The following GRIN2D variants were observed in gnomAD, a reference collection of about 807,000 sequenced individuals.
GRIN2D encodes the protein glutamate receptor ionotropic, NMDA 2D.
A neutral mutation model predicts 103.2 loss-of-function variants in GRIN2D; 37 were observed. The ratio of observed to expected loss-of-function variants is 0.36; its 90% confidence interval spans 0.28 to 0.47. The LOEUF is 0.47. GRIN2D is among the 20% of genes least tolerant of loss of function. GRIN2D has a pLI of 1.00. For synonymous variants in GRIN2D, 845 were observed against 885.6 expected, an observed-to-expected ratio of 0.95 and a Z score of 0.81; for missense variants, 1,557 against 1,910.6, an observed-to-expected ratio of 0.81 and a Z score of 3.45.
At chr19:48,440,576 T>G (rs567851537) in intron 11 of GRIN2D, among the ~76,000 whole-genome samples, 1 of 152,098 alleles carries the variant, frequency 6.6e-6, no homozygotes, top group Non-Finnish European at 1.5e-5. Context: ...TTGGGCAACA[T>G]AGTGAGACCT....
chr19:48,434,498 G>A (rs1041111459), intron 11 of GRIN2D, among the ~76,000 whole-genome samples: 4 of 152,004 alleles, frequency 2.6e-5, no homozygotes, highest in Admixed American at 6.6e-5. Context: ...GAGATGATCC[G>A]CCCACCTCAG....
intron 2 of GRIN2D, among the ~76,000 whole-genome samples, chr19:48,396,669 C>A (rs1970646422): frequency 6.6e-6 from 1 of 151,992 alleles, no homozygotes; most frequent in African/African-American, 2.4e-5. Context: ...GAGCCCCCAA[C>A]CCCTTCCCTG....
intron 4 of GRIN2D, among the ~76,000 whole-genome samples, chr19:48,410,527 CA>C (rs4009666): frequency 2.5e-3 from 112 of 45,404 alleles, no homozygotes; most frequent in East Asian, 3.1e-3. Context: ...GACTCTGACT[CA>C]AAAAAAAAAA....
chr19:48,440,964 C>T (rs1971284279), intron 11 of GRIN2D, among the ~76,000 whole-genome samples: 2 of 152,206 alleles, frequency 1.3e-5, no homozygotes, highest in East Asian at 3.9e-4. Flanking sequence ...GCTGGGATTA[C>T]AGCCATGAGC....
chr19:48,432,325 G>T (rs759715827), intron 11 of GRIN2D, among the ~76,000 whole-genome samples: 1 of 151,868 alleles, frequency 6.6e-6, no homozygotes, highest in Non-Finnish European at 1.5e-5. Flanking sequence ...AAAATGCTGG[G>T]ATTACAGGCA....
chr19:48,393,737 GC>G lies in GRIN2D; in HGVS notation c.-435del, dbSNP rs1159151097. Among the ~76,000 whole-genome samples the G allele has an allele frequency of 2.0e-5, 3 of 151,934 alleles. No homozygotes were observed. The highest frequency in any genetic ancestry group is 7.3e-5 in the African/African-American group (3 of 41,346). ...GTCCCTCCCGCTCCAGCTCCTCCAAGCCGCGGCCGCCGCCGCCACCCTCGCC... is the reference window on the plus strand; with the variant it reads ...GTCCCTCCCGCTCCAGCTCCTCCAAGCGCGGCCGCCGCCGCCACCCTCGCC... On this transcript the variant is annotated 5_prime_UTR_variant, in exon 1 of 14. Transcript: ENST00000263269. The surrounding 1 kb of genome is among the most constrained non-coding windows in gnomAD (Gnocchi z 5.6).
Position 48,401,081 on chromosome 19 carries a change from C to CAA in GRIN2D, c.465+2239_465+2240dup, listed in dbSNP as rs34313286. 6.9e-4 allele frequency among the ~76,000 whole-genome samples: 86 copies of CAA among 123,848 alleles called. 1 individual carries two copies. The highest frequency in any genetic ancestry group is 2.1e-3 in the African/African-American group (72 of 34,164). 81.2% of individuals were successfully genotyped at this position (123,848 alleles called of 152,430 possible). ...CTGGGGGACAGAGTGAGACTGTTCT[C>CAA]AAAAAAAAAAAAAAAACAATAAACA... On this transcript the variant is annotated intron_variant, in intron 3 of 13. Coordinates refer to ENST00000263269, the MANE Select transcript of GRIN2D (RefSeq NM_000836.4).
intron 3 of GRIN2D, among the ~76,000 whole-genome samples, chr19:48,401,967 G>T (rs1435231798): frequency 4.6e-5 from 7 of 152,166 alleles, no homozygotes; most frequent in African/African-American, 1.7e-4. Flanking sequence ...TGGCATGGTG[G>T]TGCATGCATG....
rs1318546653 is a variant in GRIN2D at position 48,442,199 on chromosome 19, T to C, written c.2490T>C (p.Asn830=). The change falls in exon 13 of 14, where the codon AAT becomes AAC. Residue 830 remains asparagine, a synonymous_variant. Transcript: ENST00000263269. This position sits in a 1 kb window ranked among gnomAD's most constrained non-coding sequence, Gnocchi z 7.2. ...TGTGGCTCTCTGGGATCTGCCACAATGACAAAATCGAGGTGATGAGCAGCA... is the reference window on the plus strand; with the variant it reads ...TGTGGCTCTCTGGGATCTGCCACAACGACAAAATCGAGGTGATGAGCAGCA... ...ERLWLSGICH[N]DKIEVMSSKL... is the part of the protein sequence containing the mutation. 3 of 1,614,028 alleles carry C rather than the reference T, an allele frequency of 1.9e-6. No homozygotes were observed. Among genetic ancestry groups the C allele is most frequent in the African/African-American group, 2.7e-5 (2 of 74,924 alleles).
chr19:48,415,379 T>C (rs1970933016), intron 7 of GRIN2D, among the ~76,000 whole-genome samples: 1 of 144,316 alleles, frequency 6.9e-6, no homozygotes, highest in Non-Finnish European at 1.5e-5. Context: ...CAAAAAATAA[T>C]AATAAAAAAA....
chr19:48,435,664 T>C (rs1208391148), intron 11 of GRIN2D, among the ~76,000 whole-genome samples: 1 of 152,156 alleles, frequency 6.6e-6, no homozygotes, highest in East Asian at 1.9e-4. Flanking sequence ...AAGCTGGTTA[T>C]GAACTCCCGA....
At chr19:48,416,801 C>T (rs143993715) in intron 8 of GRIN2D, among the ~76,000 whole-genome samples, 4,958 of 150,090 alleles carry the variant, frequency 0.033, 130 homozygotes, top group Non-Finnish European at 0.051. Flanking sequence ...AATGCAGTGG[C>T]ACCATCTCGG....
At chr19:48,409,156 C>T (rs1473269080) in intron 4 of GRIN2D, among the ~76,000 whole-genome samples, 1 of 152,070 alleles carries the variant, frequency 6.6e-6, no homozygotes, top group Non-Finnish European at 1.5e-5. Flanking sequence ...AAACCCACTC[C>T]TGCAACCACA....
Position 48,419,698 on chromosome 19 carries a change from G to A in GRIN2D, c.1975G>A (p.Val659Met), listed in dbSNP as rs1377948376. 3 of 1,613,368 alleles carry A rather than the reference G, an allele frequency of 1.9e-6. No homozygotes were observed. The highest frequency in any genetic ancestry group is 2.2e-5 in the East Asian group (1 of 44,816). Residue 659 changes from valine to methionine, a missense_variant, in exon 10 of 14, where the codon GTG becomes ATG. Transcript: ENST00000263269. ...CCGGGGAACCACCAGCAAAATCATGGTGCTGGTGTGGGCCTTCTTCGCCGT... is the reference window on the plus strand; with the variant it reads ...CCGGGGAACCACCAGCAAAATCATGATGCTGGTGTGGGCCTTCTTCGCCGT... ...NPRGTTSKIM[V>M]LVWAFFAVIF...
rs1970770262 is a variant in GRIN2D at position 48,405,078 on chromosome 19, C to T, written c.810C>T (p.Tyr270=). ...AEEAGLTGSG[Y]VWFMVGPQLA... ...AGGCTGGCCTCACTGGATCTGGCTA[C>T]GTCTGGTTCATGGTGGGGCCCCAGC... The change falls in exon 4 of 14, where the codon TAC becomes TAT. Residue 270 remains tyrosine, a synonymous_variant. Coordinates refer to ENST00000263269, the MANE Select transcript of GRIN2D (RefSeq NM_000836.4). The surrounding 1 kb of genome is among the most constrained non-coding windows in gnomAD (Gnocchi z 5.1). 2 of 1,601,358 alleles carry T rather than the reference C, an allele frequency of 1.2e-6. No homozygotes were observed. The highest frequency in any genetic ancestry group is 1.7e-6 in the Non-Finnish European group (2 of 1,173,558).
intron 11 of GRIN2D, among the ~76,000 whole-genome samples, chr19:48,426,596 A>T (rs569660909): frequency 7.0e-5 from 10 of 142,040 alleles, no homozygotes; most frequent in Non-Finnish European, 7.7e-5. Context: ...TTATTTATTT[A>T]TTTTTTCAGA....
In GRIN2D at chr19:48,443,154, G is replaced by T. The variant is rs1158230971; in HGVS notation, c.3228G>T (p.Ala1076=). ...PESQPLLGPG[A]GGAGGTGGAG... is the part of the protein sequence containing the mutation. Reference sequence around the variant, plus strand: ...GCCAACCCCTGCTGGGGCCAGGCGCGGGCGGCGCGGGGGGCACGGGGGGCG... The same window carrying T: ...GCCAACCCCTGCTGGGGCCAGGCGCTGGCGGCGCGGGGGGCACGGGGGGCG... The change falls in exon 14 of 14, where the codon GCG becomes GCT. Residue 1076 remains alanine, a synonymous_variant. Coordinates refer to ENST00000263269, the MANE Select transcript of GRIN2D (RefSeq NM_000836.4). This position sits in a 1 kb window ranked among gnomAD's most constrained non-coding sequence, Gnocchi z 8.9. 1.0e-6 allele frequency: 1 copy of T among 993,006 alleles called. No individual in the cohort carries two copies. Among genetic ancestry groups the T allele is most frequent in the South Asian group, 4.5e-5 (1 of 22,090 alleles). 61.5% of individuals were successfully genotyped at this position (993,006 alleles called of 1,614,324 possible).
intron 3 of GRIN2D, among the ~76,000 whole-genome samples, chr19:48,400,402 T>C (rs1018088524): frequency 6.6e-6 from 1 of 152,228 alleles, no homozygotes; most frequent in Non-Finnish European, 1.5e-5. Context: ...CAGAGCATTC[T>C]GGGAAGGACC....
Position 48,396,929 on chromosome 19 carries a change from T to C in GRIN2D, c.-26-1438T>C, listed in dbSNP as rs190630094. On this transcript the variant is annotated intron_variant, in intron 2 of 13. Coordinates refer to ENST00000263269, the MANE Select transcript of GRIN2D (RefSeq NM_000836.4). ...CCAGTCCTTCTCTGGGAACCAGGAG[T>C]CCAGACTCCCAGTGCCCTCCTCCCT... 3.3e-5 allele frequency among the ~76,000 whole-genome samples: 5 copies of C among 151,866 alleles called. No individual in the cohort carries two copies. The East Asian group carries it at 7.8e-4, about 24-fold the overall frequency.
Sources: gnomAD v4.1 joint callset for allele counts (sites outside exome capture counted in the v4.1 genomes callset) on GRCh38, gnomAD v4.1.1 for gene constraint, Gnocchi (gnomAD v3.1) non-coding constraint, MANE v1.5 for transcripts, NCBI Gene and HGNC (gene_info 2026-07-23, HGNC 2026-07-21) for gene names.